The following ZFAT variants were observed in gnomAD, a reference collection of about 807,000 sequenced individuals.
The protein encoded by ZFAT is zinc finger protein ZFAT.
A neutral mutation model predicts 117.7 loss-of-function variants in ZFAT; 64 were observed. The ratio of observed to expected loss-of-function variants is 0.54; its 90% CI spans 0.44 to 0.67. The LOEUF is 0.67. ZFAT is among the 30% of genes least tolerant of loss of function. The pLI is 0.00. For synonymous variants in ZFAT, 679 were observed against 615.0 expected, an observed-to-expected ratio of 1.10 and a Z score of -1.54; for missense variants, 1,433 against 1,584.5, an observed-to-expected ratio of 0.90 and a Z score of 1.62.
intron 2 of ZFAT, among the ~76,000 whole-genome samples, chr8:134,651,904 A>G (rs1451696361): frequency 6.6e-6 from 1 of 152,146 alleles, no homozygotes; most frequent in African/African-American, 2.4e-5. Context: ...AGTCAGATTG[A>G]CAGCTGGCAT....
At chr8:134,788,573 T>C in the ZFAT span, among the ~76,000 whole-genome samples, 1 of 152,112 alleles carries the variant, frequency 6.6e-6, no homozygotes, top group Non-Finnish European at 1.5e-5. Context: ...TGAATTATGT[T>C]TTTTAAATCA....
At chr8:134,730,583 G>A in the ZFAT span, among the ~76,000 whole-genome samples, 1 of 152,174 alleles carries the variant, frequency 6.6e-6, no homozygotes, top group African/African-American at 2.4e-5. Context: ...TCAGCAGGTG[G>A]CCAGTAGACA....
At chr8:134,729,878 T>C in the ZFAT span, among the ~76,000 whole-genome samples, 9 of 152,198 alleles carry the variant, frequency 5.9e-5, no homozygotes, top group Non-Finnish European at 1.0e-4. Context: ...GACGCTTACA[T>C]GAATTAATAC....
At chr8:134,553,864 C>A (rs891673254) in intron 11 of ZFAT, among the ~76,000 whole-genome samples, 1 of 152,106 alleles carries the variant, frequency 6.6e-6, no homozygotes, top group Non-Finnish European at 1.5e-5. Context: ...AAGTGGGAAG[C>A]CAGGATTCTA....
chr8:134,662,944 C>G (rs1832006398), intron 1 of ZFAT, among the ~76,000 whole-genome samples: 1 of 152,216 alleles, frequency 6.6e-6, no homozygotes, highest in Non-Finnish European at 1.5e-5. Context: ...AGCCCTATGC[C>G]CAAGACCACT....
At chr8:134,687,561 A>G (rs748544695) in intron 1 of ZFAT, among the ~76,000 whole-genome samples, 13 of 152,180 alleles carry the variant, frequency 8.5e-5, no homozygotes, top group Non-Finnish European at 1.3e-4. Flanking sequence ...TTACATAAAC[A>G]GGAACAGCCC....
At chr8:134,671,371 C>T (rs950340248) in intron 1 of ZFAT, among the ~76,000 whole-genome samples, 6 of 152,264 alleles carry the variant, frequency 3.9e-5, no homozygotes, top group South Asian at 2.1e-4. Flanking sequence ...ACTGGCAAAC[C>T]GAATCCGGCA....
the ZFAT span, among the ~76,000 whole-genome samples, chr8:134,815,168 G>C: frequency 6.6e-6 from 1 of 152,290 alleles, no homozygotes; most frequent in Admixed American, 6.5e-5. Flanking sequence ...TGAAACCAGA[G>C]TTGTACTTTT....
At chr8:134,523,882 T>C (rs1014908211) in intron 12 of ZFAT, among the ~76,000 whole-genome samples, 1 of 152,166 alleles carries the variant, frequency 6.6e-6, no homozygotes, top group African/African-American at 2.4e-5. Flanking sequence ...CATAGAGCCA[T>C]CAAAACTCTC....
At chr8:134,754,377 T>A in the ZFAT span, among the ~76,000 whole-genome samples, 1 of 151,812 alleles carries the variant, frequency 6.6e-6, no homozygotes, top group East Asian at 1.9e-4. Flanking sequence ...CAAAGGAGAG[T>A]TGTCAAATTT....
intron 1 of ZFAT, among the ~76,000 whole-genome samples, chr8:134,669,910 C>G (rs1832464596): frequency 6.6e-6 from 1 of 152,178 alleles, no homozygotes; most frequent in Non-Finnish European, 1.5e-5. Flanking sequence ...GGAGAAAGAT[C>G]TACCAAGCAA....
the ZFAT span, among the ~76,000 whole-genome samples, chr8:134,807,088 C>CA: frequency 1.3e-5 from 2 of 151,986 alleles, no homozygotes; most frequent in Non-Finnish European, 2.9e-5. Flanking sequence ...GCTGTACAGA[C>CA]AAAAAAATGG....
intron 3 of ZFAT, among the ~76,000 whole-genome samples, chr8:134,616,997 C>T (rs1291526262): frequency 6.6e-6 from 1 of 152,182 alleles, no homozygotes; most frequent in African/African-American, 2.4e-5. Context: ...CAATGTTCGC[C>T]TTCTCTGCCT....
chr8:134,515,829 A>T (rs1283972924), intron 13 of ZFAT, among the ~76,000 whole-genome samples: 1 of 152,214 alleles, frequency 6.6e-6, no homozygotes, highest in Non-Finnish European at 1.5e-5. Flanking sequence ...TTCTGAAGCA[A>T]ATCCTGAAAT....
At chr8:134,724,403 G>C in the ZFAT span, among the ~76,000 whole-genome samples, 1 of 152,164 alleles carries the variant, frequency 6.6e-6, no homozygotes, top group Non-Finnish European at 1.5e-5. Context: ...GATGTGCCAG[G>C]GGTTACTCCT....
At chr8:134,715,666 C>A (rs1394214964), upstream of ZFAT, among the ~76,000 whole-genome samples, 4 of 152,200 alleles carry the variant, frequency 2.6e-5, no homozygotes, top group Non-Finnish European at 1.5e-5. Flanking sequence ...TGGCAAGCTG[C>A]CTCGGTGATG....
intron 3 of ZFAT, among the ~76,000 whole-genome samples, chr8:134,627,386 T>G (rs2131051478): frequency 6.6e-6 from 1 of 152,322 alleles, no homozygotes; most frequent in African/African-American, 2.4e-5. Flanking sequence ...CTCCAAGGTT[T>G]CCAATTCAAA....
chr8:134,622,237 G>C lies in ZFAT; in HGVS notation c.449-11582C>G, dbSNP rs193032208. Among the ~76,000 whole-genome samples the C allele has an allele frequency of 7.2e-5, 11 of 152,314 alleles. No individual in the cohort carries two copies. In the East Asian group the frequency reaches 2.1e-3, roughly 29 times the overall value. On this transcript the variant is annotated intron_variant, in intron 3 of 15. Transcript: ENST00000377838. ...CTTTCTCCCCCTACCACCTAGCTTT[G>C]TGCGTTTTCCCCAGGTGCTGATGCT...
At chr8:134,547,027 TGA>T (rs545734821) in intron 11 of ZFAT, among the ~76,000 whole-genome samples, 43 of 152,310 alleles carry the variant, frequency 2.8e-4, no homozygotes, top group African/African-American at 1.0e-3. Context: ...CAACAGATAA[TGA>T]GAGCTGTCAC....
Sources: allele counts gnomAD v4.1 joint callset (sites outside exome capture counted in the v4.1 genomes callset), GRCh38; gene constraint gnomAD v4.1.1; transcripts MANE v1.5; gene names NCBI Gene and HGNC (gene_info 2026-07-23, HGNC 2026-07-21).